Variants in GPAT4 observed in about 807,000 individuals in gnomAD.
GPAT4 encodes 1-AGP acyltransferase 6.
Under a neutral mutation model 58.0 loss-of-function variants are expected in GPAT4, and 17 were observed. The ratio of observed to expected loss-of-function variants is 0.29; its 90% CI spans 0.20 to 0.44. The LOEUF is 0.44. GPAT4 is among the 20% of genes least tolerant of loss of function. GPAT4 has a pLI of 1.00. For synonymous variants in GPAT4, 204 were observed against 210.1 expected (o/e 0.97, Z 0.25); for missense variants, 377 against 574.5 (o/e 0.66, Z 3.51).
chr8:41,621,035 G>T lies in GPAT4; in HGVS notation c.*34G>T. On this transcript the variant is annotated 3_prime_UTR_variant, in exon 13 of 13. Coordinates refer to ENST00000396987, the MANE Select transcript of GPAT4 (RefSeq NM_178819.4). ...CCAGCTGGCTGGGGCCACCGTGCGG[G>T]GTGCCAACGGGCTCAGAGCTGGAGT... The T allele has an allele frequency of 6.5e-7, 1 of 1,549,850 alleles. No individual in the cohort carries two copies. Among genetic ancestry groups the T allele is most frequent in the Non-Finnish European group, 8.7e-7 (1 of 1,146,800 alleles).
At chr8:41,582,476 C>CAT (rs1554500347) in intron 1 of GPAT4, among the ~76,000 whole-genome samples, 1 of 100,204 alleles carries the variant, frequency 1.0e-5, no homozygotes, top group Admixed American at 1.0e-4. Context: ...CACACACACA[C>CAT]ATCTTTCTTT....
intron 5 of GPAT4, 139 bp from the exon 6 acceptor site, chr8:41,611,764 C>T: frequency 4.4e-6 from 3 of 685,006 alleles, no homozygotes; most frequent in Middle Eastern, 3.3e-4. Flanking sequence ...GCTCATGCAT[C>T]ACAGGACTTT....
At chr8:41,617,005 C>T (rs1043673722) in intron 10 of GPAT4, among the ~76,000 whole-genome samples, 5 of 152,106 alleles carry the variant, frequency 3.3e-5, no homozygotes, top group African/African-American at 7.2e-5. Flanking sequence ...AGAATCAGCC[C>T]GAAACAAAGG....
chr8:41,581,455 T>A (rs1259170672), intron 1 of GPAT4, among the ~76,000 whole-genome samples: 2 of 152,134 alleles, frequency 1.3e-5, no homozygotes, highest in African/African-American at 4.8e-5. Flanking sequence ...ACTTGACTTT[T>A]ATTTATTTAT....
At chr8:41,600,533 A>G (rs1585661616) in intron 2 of GPAT4, among the ~76,000 whole-genome samples, 1 of 151,898 alleles carries the variant, frequency 6.6e-6, no homozygotes, top group East Asian at 1.9e-4. Context: ...TATGTTTGTC[A>G]TTGAATCTTG....
intron 1 of GPAT4, among the ~76,000 whole-genome samples, chr8:41,581,177 A>C (rs1802499764): frequency 6.6e-6 from 1 of 152,212 alleles, no homozygotes; most frequent in South Asian, 2.1e-4. Flanking sequence ...ACTATGATTA[A>C]GGCTTTTTAA....
chr8:41,580,261 G>C (rs908853296), intron 1 of GPAT4, among the ~76,000 whole-genome samples: 33 of 152,272 alleles, frequency 2.2e-4, no homozygotes, highest in African/African-American at 6.3e-4. Context: ...TTGAGAAGAA[G>C]AACAAGCTAT....
intron 2 of GPAT4, among the ~76,000 whole-genome samples, chr8:41,600,031 C>CTTTTTTTTTTTTTTTTTTTTT (rs1563273268): frequency 1.3e-5 from 1 of 75,446 alleles, no homozygotes; most frequent in African/African-American, 5.6e-5. Context: ...TTATCTTTTT[C>CTTTTTTTTTTTTTTTTTTTTT]TTTTCTTTTT....
Position 41,593,726 on chromosome 8 carries a change from C to G in GPAT4, c.-848-4566C>G, listed in dbSNP as rs147824522. Among the ~76,000 whole-genome samples the G allele has an allele frequency of 2.0e-3, 311 of 152,332 alleles. 1 individual carries two copies. The highest frequency in any genetic ancestry group is 2.5e-3 in the Non-Finnish European group (172 of 68,030). On this transcript the variant is annotated intron_variant, in intron 1 of 12. Coordinates refer to ENST00000396987, the MANE Select transcript of GPAT4 (RefSeq NM_178819.4). The stretch of plus-strand genomic sequence containing the variant: ...CTTTGATGAGAACGTGATCCTCAGG[C>G]TGGTGCTGGTTTACCGGAAATTCTG...
At chr8:41,602,679 T>G (rs1485557937) in intron 2 of GPAT4, among the ~76,000 whole-genome samples, 1 of 152,160 alleles carries the variant, frequency 6.6e-6, no homozygotes, top group Non-Finnish European at 1.5e-5. Flanking sequence ...CTAACACTTG[T>G]GGGTGTTTAT....
At chr8:41,588,342 G>A (rs904808152) in intron 1 of GPAT4, among the ~76,000 whole-genome samples, 5 of 152,266 alleles carry the variant, frequency 3.3e-5, no homozygotes, top group Admixed American at 6.5e-5. Flanking sequence ...ACAGAGAGCC[G>A]ACTGAAAAGT....
chr8:41,599,990 G>T (rs370681711), intron 2 of GPAT4, among the ~76,000 whole-genome samples: 1 of 149,118 alleles, frequency 6.7e-6, no homozygotes, highest in African/African-American at 2.5e-5. Context: ...TGCACTTATA[G>T]TAGTAAAAAT....
chr8:41,591,104 G>C (rs186940326), intron 1 of GPAT4, among the ~76,000 whole-genome samples: 1 of 152,238 alleles, frequency 6.6e-6, no homozygotes, highest in Non-Finnish European at 1.5e-5. Context: ...GGGGTTCCAC[G>C]TGAGAGGGTT....
Position 41,595,210 on chromosome 8 carries a change from T to C in GPAT4, c.-848-3082T>C, listed in dbSNP as rs577023508. On this transcript the variant is annotated intron_variant, in intron 1 of 12. Coordinates refer to ENST00000396987, the MANE Select transcript of GPAT4 (RefSeq NM_178819.4). The stretch of plus-strand genomic sequence containing the variant: ...GGAGGAACCATCTATTGTCCTGTCC[T>C]GAAGGGAGTTCCTCCTAGGTCTGGT... 4.6e-5 allele frequency among the ~76,000 whole-genome samples: 7 copies of C among 151,002 alleles called. No homozygotes were observed. The South Asian group carries it at 1.5e-3, about 31-fold the overall frequency.
intron 1 of GPAT4, among the ~76,000 whole-genome samples, chr8:41,581,977 C>G (rs760982203): frequency 4.1e-5 from 5 of 122,410 alleles, no homozygotes; most frequent in Non-Finnish European, 8.3e-5. Context: ...AAGCTTAAAT[C>G]AAGGGAAGTT....
intron 2 of GPAT4, among the ~76,000 whole-genome samples, chr8:41,606,913 C>G (rs1400954135): frequency 6.6e-6 from 1 of 152,226 alleles, no homozygotes; most frequent in Admixed American, 6.5e-5. Flanking sequence ...CAGAGAAAGT[C>G]TATTTGCATC....
chr8:41,580,875 C>A (rs1802492542), intron 1 of GPAT4, among the ~76,000 whole-genome samples: 1 of 152,166 alleles, frequency 6.6e-6, no homozygotes, highest in Admixed American at 6.5e-5. Flanking sequence ...CTAGGCTCTT[C>A]AGAGGCTAGC....
chr8:41,583,771 TTG>T (rs1427460051), intron 1 of GPAT4, among the ~76,000 whole-genome samples: 36 of 152,224 alleles, frequency 2.4e-4, no homozygotes, highest in African/African-American at 8.7e-4. Flanking sequence ...AGGTTAGAGT[TTG>T]TGGTTGTGGT....
intron 10 of GPAT4, chr8:41,618,401 A>AC (rs1753836435): frequency 2.1e-6 from 1 of 472,894 alleles, no homozygotes; most frequent in Admixed American, 3.4e-5. Flanking sequence ...TATGAGTAAG[A>AC]CCTGAAACTA....
Sources: gnomAD v4.1 joint callset for allele counts (sites outside exome capture counted in the v4.1 genomes callset) on GRCh38, gnomAD v4.1.1 for gene constraint, MANE v1.5 for transcripts, NCBI Gene and HGNC (gene_info 2026-07-23, HGNC 2026-07-21) for gene names.